The following ESRP1 variants were observed in gnomAD, a reference collection of about 807,000 sequenced individuals.
The protein encoded by ESRP1 is epithelial splicing regulatory protein 1, also known as RNA-binding motif protein 35A.
In ESRP1, 33 loss-of-function variants were observed where a neutral mutation model predicts 81.7. That is an observed-to-expected ratio of 0.40 (90% confidence interval 0.31 to 0.54). The LOEUF is 0.54. Ranked by LOEUF, ESRP1 falls within the 20% of genes least tolerant of loss-of-function variation. The pLI is 0.41. For missense variants in ESRP1, 672 were observed against 833.1 expected (o/e 0.81, Z 2.38); for synonymous variants, 320 against 303.3 (o/e 1.06, Z -0.57).
rs192781206 is a variant in ESRP1 at position 94,651,922 on chromosome 8, G to A, written c.490+5640G>A. 2.6e-3 allele frequency among the ~76,000 whole-genome samples: 387 copies of A among 148,272 alleles called. 2 individuals carry two copies. The highest frequency in any genetic ancestry group is 8.9e-3 in the African/African-American group (359 of 40,218). On this transcript the variant is annotated intron_variant, in intron 4 of 15. Transcript: ENST00000433389. The stretch of plus-strand genomic sequence containing the variant: ...CGCCACACTTGACCAGGAATTGAGT[G>A]TAGTTCTGGTTCTTATTTTTGGCAC...
At chr8:94,664,373 C>T (rs920876822) in intron 6 of ESRP1, among the ~76,000 whole-genome samples, 15 of 152,148 alleles carry the variant, frequency 9.9e-5, no homozygotes, top group Non-Finnish European at 1.5e-5. Context: ...ATCCACCTAC[C>T]TCAGCCTCCC....
In ESRP1 at chr8:94,688,582, CAT is replaced by C. The variant is rs1809241367; in HGVS notation, c.1821-4094_1821-4093del. On this transcript the variant is annotated intron_variant, in intron 13 of 15. Coordinates refer to ENST00000433389, the MANE Select transcript of ESRP1 (RefSeq NM_017697.4). ...CATGAAGAAGCAAGATGAAAACACA[CAT>C]GAGGGAAAACCCTGGGATTCATGTT... 6 of 205,926 alleles carry C rather than the reference CAT, an allele frequency of 2.9e-5. 2 individuals carry two copies. In the South Asian group the frequency reaches 4.9e-4, roughly 17 times the overall value. 12.8% of individuals were successfully genotyped at this position (205,926 alleles called of 1,614,324 possible). A position where few individuals can be genotyped will look rare whatever the true frequency, so the allele number is the denominator to read the frequency against.
At chr8:94,701,274 CA>C (rs1165195392) in intron 15 of ESRP1, among the ~76,000 whole-genome samples, 78 of 94,394 alleles carry the variant, frequency 8.3e-4, no homozygotes, top group Admixed American at 1.0e-3. Flanking sequence ...GACTCCATCT[CA>C]AAAAAAAAAA....
intron 13 of ESRP1, among the ~76,000 whole-genome samples, chr8:94,680,631 T>C (rs1205922724): frequency 6.6e-6 from 1 of 152,102 alleles, no homozygotes; most frequent in Admixed American, 6.5e-5. Context: ...TTCTCCATGT[T>C]GGTGAGGCTG....
intron 11 of ESRP1, among the ~76,000 whole-genome samples, chr8:94,672,505 A>C (rs1819376465): frequency 6.6e-6 from 1 of 152,072 alleles, no homozygotes; most frequent in African/African-American, 2.4e-5. Context: ...ACAAACCCAT[A>C]AGCCAGGTGG....
intron 2 of ESRP1, 55 bp from the exon 3 acceptor site, chr8:94,643,248 C>G (rs1486583132): frequency 4.8e-6 from 6 of 1,242,300 alleles, no homozygotes; most frequent in African/African-American, 1.5e-5. Context: ...AGCTACTTTG[C>G]AGAGTTTGTA....
rs552232327 is a variant in ESRP1, at chr8:94,668,100, T to C, written c.1083T>C (p.Phe361=). 1.2e-6 allele frequency: 2 copies of C among 1,614,030 alleles called. No individual in the cohort carries two copies. Among genetic ancestry groups the C allele is most frequent in the Admixed American group, 3.3e-5 (2 of 60,026 alleles). Residue 361 remains phenylalanine (F), a synonymous_variant, in exon 10 of 16, where the codon TTT becomes TTC. Transcript: ENST00000433389. ...CTGGGGGAAAGGAAGGCATCCTCTT[T>C]GTCACCTACCCAGATGGTAGGCCAA... ...PITGGKEGIL[F]VTYPDGRPTG...
At chr8:94,651,987 C>CTTTTTTTTTTTTTTTTTTTT (rs35903773) in intron 4 of ESRP1, among the ~76,000 whole-genome samples, 2 of 65,222 alleles carry the variant, frequency 3.1e-5, no homozygotes, top group Non-Finnish European at 5.1e-5. Flanking sequence ...TCTAAAACGC[C>CTTTTTTTTTTTTTTTTTTTT]TTTTTTTTTT....
chr8:94,658,294 G>C (rs1453334836), intron 4 of ESRP1, among the ~76,000 whole-genome samples: 1 of 152,144 alleles, frequency 6.6e-6, no homozygotes, highest in East Asian at 1.9e-4. Context: ...AAGAAATAGG[G>C]AGTGGTTGGC....
chr8:94,641,659 A>C, intron 1 of ESRP1: 1 of 736,596 alleles, frequency 1.4e-6, no homozygotes, highest in Non-Finnish European at 2.1e-6. Context: ...AACTTAGCTC[A>C]GGTGGAGAGG....
rs565605605 is a variant in ESRP1, at chr8:94,642,206, G to T, written c.261+122G>T. On this transcript the variant is annotated intron_variant, in intron 2 of 15. Transcript: ENST00000433389. The stretch of plus-strand genomic sequence containing the variant: ...GGTGGCGAGACGCCTGCCCGGCCGC[G>T]TGGGTGGGAGCCCAGCCTGAGGGCC... 8.5e-5 allele frequency: 107 copies of T among 1,262,890 alleles called. 1 individual carries two copies. In the African/African-American group the frequency reaches 1.4e-3, roughly 17 times the overall value. The allele number at this position is 1,262,890 out of a possible 1,614,324, so 78.2% of individuals were successfully genotyped here. A position where few individuals can be genotyped will look rare whatever the true frequency, so the allele number is the denominator to read the frequency against.
intron 4 of ESRP1, among the ~76,000 whole-genome samples, chr8:94,650,017 T>C (rs530481003): frequency 6.6e-6 from 1 of 152,110 alleles, no homozygotes; most frequent in South Asian, 2.1e-4. Context: ...GCTCCTTCCC[T>C]TCCTCTCCTT....
At chr8:94,693,605 A>C (rs947256180) in intron 14 of ESRP1, among the ~76,000 whole-genome samples, 1 of 152,192 alleles carries the variant, frequency 6.6e-6, no homozygotes, top group African/African-American at 2.4e-5. Flanking sequence ...TTATTGTACT[A>C]ATAGCAAAAA....
At chr8:94,666,424 T>A (rs546101603) in intron 9 of ESRP1, among the ~76,000 whole-genome samples, 2 of 152,328 alleles carry the variant, frequency 1.3e-5, no homozygotes, top group East Asian at 3.9e-4. Context: ...TAATATGTTG[T>A]CAATATTTTA....
rs149130372 is a variant in ESRP1 at position 94,658,766 on chromosome 8, A to G, written c.491-3506A>G. Among the ~76,000 whole-genome samples, 497 of 152,266 alleles carry G rather than the reference A, an allele frequency of 3.3e-3. 3 individuals carry two copies. The highest frequency in any genetic ancestry group is 0.024 in the Middle Eastern group (7 of 294). On this transcript the variant is annotated intron_variant, in intron 4 of 15. Coordinates refer to ENST00000433389, the MANE Select transcript of ESRP1 (RefSeq NM_017697.4). The stretch of plus-strand genomic sequence containing the variant: ...TTTTTGCAATCTCCATTCTTCTGTA[A>G]TAGGTCACAGGTCAATAACCGTTTG...
intron 15 of ESRP1, among the ~76,000 whole-genome samples, chr8:94,698,239 T>C (rs1172839131): frequency 6.6e-6 from 1 of 152,220 alleles, no homozygotes; most frequent in Non-Finnish European, 1.5e-5. Context: ...ACATTCTGTA[T>C]ACATGAAACA....
chr8:94,661,949 G>A lies in ESRP1; in HGVS notation c.491-323G>A, dbSNP rs550382836. Among the ~76,000 whole-genome samples, 6 of 152,262 alleles carry A rather than the reference G, an allele frequency of 3.9e-5. No individual in the cohort carries two copies. In the South Asian group the frequency reaches 8.3e-4, roughly 21 times the overall value. ...CTTGTGTGTGCTGTAAAGATTCAGA[G>A]GATGAAATATTCTAATTAACTTTGT... On this transcript the variant is annotated intron_variant, in intron 4 of 15. Coordinates refer to ENST00000433389, the MANE Select transcript of ESRP1 (RefSeq NM_017697.4).
chr8:94,643,559 TG>T, intron 3 of ESRP1, 143 bp downstream of exon 3: 1 of 563,274 alleles, frequency 1.8e-6, no homozygotes, highest in East Asian at 2.8e-5. Flanking sequence ...AATTTCAGTT[TG>T]GGAAGATGAA....
intron 9 of ESRP1, among the ~76,000 whole-genome samples, chr8:94,665,811 A>T (rs1430337881): frequency 6.7e-6 from 1 of 149,658 alleles, no homozygotes; most frequent in Non-Finnish European, 1.5e-5. Flanking sequence ...GATATTCTTG[A>T]AAAGAGTCAG....
Sources: gnomAD v4.1 joint callset for allele counts (sites outside exome capture counted in the v4.1 genomes callset) on GRCh38, gnomAD v4.1.1 for gene constraint, MANE v1.5 for transcripts, NCBI Gene and HGNC (gene_info 2026-07-23, HGNC 2026-07-21) for gene names.